Variants in ST6GALNAC3 observed in about 807,000 individuals in gnomAD.
The protein encoded by ST6GALNAC3 is ST6 N-acetylgalactosaminide alpha-2,6-sialyltransferase 3.
ST6GALNAC3 carries 25 observed loss-of-function variants against 32.7 expected under a neutral mutation model. The ratio of observed to expected loss-of-function variants is 0.76; its 90% CI spans 0.56 to 1.07. ST6GALNAC3 has a LOEUF of 1.07. Among genes scored for constraint, ST6GALNAC3 ranks in the 50% least tolerant of loss-of-function variants. ST6GALNAC3 has a pLI of 0.00. For missense variants in ST6GALNAC3, 355 were observed against 382.4 expected, an observed-to-expected ratio of 0.93 and a Z score of 0.60; for synonymous variants, 129 against 133.1, an observed-to-expected ratio of 0.97 and a Z score of 0.21.
intron 1 of ST6GALNAC3, among the ~76,000 whole-genome samples, chr1:76,209,261 T>C (rs1208588363): frequency 1.3e-5 from 2 of 152,216 alleles, no homozygotes; most frequent in African/African-American, 4.8e-5. Context: ...TTGAAGCCCC[T>C]GAGCTTATGC....
intron 3 of ST6GALNAC3, among the ~76,000 whole-genome samples, chr1:76,557,205 G>A (rs1277689775): frequency 6.6e-6 from 1 of 151,714 alleles, no homozygotes; most frequent in Non-Finnish European, 1.5e-5. Flanking sequence ...TTCTTATTTT[G>A]GGACTCTTAA....
chr1:76,462,389 T>C (rs887468564), intron 3 of ST6GALNAC3, among the ~76,000 whole-genome samples: 12 of 152,172 alleles, frequency 7.9e-5, no homozygotes, highest in African/African-American at 2.4e-4. Context: ...CCATAATTCC[T>C]TTTTTAGACT....
In ST6GALNAC3 at chr1:76,112,962, G is replaced by A. The variant is rs1198408128; in HGVS notation, c.18+38078G>A. Among the ~76,000 whole-genome samples the A allele has an allele frequency of 4.6e-5, 7 of 152,032 alleles. No homozygotes were observed. The East Asian group carries it at 7.8e-4, about 17-fold the overall frequency. On this transcript the variant is annotated intron_variant, in intron 1 of 4. Coordinates refer to ENST00000328299, the MANE Select transcript of ST6GALNAC3 (RefSeq NM_152996.4). ...GCGGCCGGGCAGAGGCTGCAATCTC[G>A]GCACTTTGGGGGGCCAAGGCAGGCA...
In ST6GALNAC3 at chr1:76,103,453, G is replaced by C. The variant is rs1647320286; in HGVS notation, c.18+28569G>C. On this transcript the variant is annotated intron_variant, in intron 1 of 4. Transcript: ENST00000328299. Reference sequence around the variant, plus strand: ...CTGGCTTCTAATTCCTGCTTCTGCTGTGTCTGTTCTTCCTTTATTAAGTTA... The same window carrying C: ...CTGGCTTCTAATTCCTGCTTCTGCTCTGTCTGTTCTTCCTTTATTAAGTTA... Among the ~76,000 whole-genome samples the C allele has an allele frequency of 2.0e-5, 3 of 152,140 alleles. No homozygotes were observed. In the South Asian group the frequency reaches 6.2e-4, roughly 31 times the overall value.
chr1:76,410,964 C>T lies in ST6GALNAC3; in HGVS notation c.214-1044C>T, dbSNP rs564915326. ...ACATAAAACAAGGATAGTACCCAGT[C>T]GAGAGAGGCTACTCACCAACAGGCA... On this transcript the variant is annotated intron_variant, in intron 2 of 4. Transcript: ENST00000328299. 2.0e-5 allele frequency among the ~76,000 whole-genome samples: 3 copies of T among 152,060 alleles called. No individual in the cohort carries two copies. In the South Asian group the frequency reaches 6.2e-4, roughly 32 times the overall value.
chr1:76,135,815 G>A (rs1349277557), intron 1 of ST6GALNAC3, among the ~76,000 whole-genome samples: 1 of 152,186 alleles, frequency 6.6e-6, no homozygotes, highest in East Asian at 1.9e-4. Context: ...TTCCACCCAT[G>A]CGGCTCTCCT....
intron 3 of ST6GALNAC3, among the ~76,000 whole-genome samples, chr1:76,526,024 A>T (rs1662890846): frequency 6.6e-6 from 1 of 151,512 alleles, no homozygotes; most frequent in African/African-American, 2.4e-5. Context: ...TACACTGACC[A>T]TTCAGAAAGA....
intron 2 of ST6GALNAC3, among the ~76,000 whole-genome samples, chr1:76,402,709 G>A (rs1253949354): frequency 1.3e-5 from 2 of 152,044 alleles, no homozygotes; most frequent in African/African-American, 2.4e-5. Context: ...TCTGTTAACT[G>A]TAACTCGAAG....
At position 76,508,224 on chromosome 1, in the gene ST6GALNAC3, G is replaced by A. The variant is rs529302313; in HGVS notation, c.623+95807G>A. 6.2e-4 allele frequency among the ~76,000 whole-genome samples: 94 copies of A among 152,200 alleles called. 1 individual carries two copies. Among genetic ancestry groups the A allele is most frequent in the African/African-American group, 2.2e-3 (92 of 41,514 alleles). On this transcript the variant is annotated intron_variant, in intron 3 of 4. Coordinates refer to ENST00000328299, the MANE Select transcript of ST6GALNAC3 (RefSeq NM_152996.4). The stretch of plus-strand genomic sequence containing the variant: ...AAGGAGTGCACAACCTAGATCCGTC[G>A]CACGCAGAGTACACAACAGGATTCG...
chr1:76,425,824 G>A (rs1327319476), intron 3 of ST6GALNAC3, among the ~76,000 whole-genome samples: 1 of 151,824 alleles, frequency 6.6e-6, no homozygotes. Flanking sequence ...CAAAATCCAG[G>A]CTTTACCTCA....
intron 1 of ST6GALNAC3, among the ~76,000 whole-genome samples, chr1:76,132,942 C>G (rs1649709495): frequency 6.6e-6 from 1 of 152,096 alleles, no homozygotes; most frequent in Non-Finnish European, 1.5e-5. Flanking sequence ...GGGAGCCTTG[C>G]TTCCAAGAAA....
At chr1:76,563,021 A>T (rs1190838223) in intron 3 of ST6GALNAC3, among the ~76,000 whole-genome samples, 1 of 152,186 alleles carries the variant, frequency 6.6e-6, no homozygotes, top group Non-Finnish European at 1.5e-5. Flanking sequence ...AGAAGGTACT[A>T]TCCACACTCC....
rs1654326133 is a variant in ST6GALNAC3 at position 76,198,331 on chromosome 1, T to C, written c.19-115474T>C. Among the ~76,000 whole-genome samples, 8 of 152,328 alleles carry C rather than the reference T, an allele frequency of 5.3e-5. 1 individual carries two copies. The South Asian group carries it at 1.7e-3, about 32-fold the overall frequency. On this transcript the variant is annotated intron_variant, in intron 1 of 4. Coordinates refer to ENST00000328299, the MANE Select transcript of ST6GALNAC3 (RefSeq NM_152996.4). ...GATTACAGGTGTGAGCCACCATACC[T>C]GGCTTTGTCTTTATGTTGAGAACAG...
At chr1:76,495,840 A>G (rs1216690417) in intron 3 of ST6GALNAC3, among the ~76,000 whole-genome samples, 4 of 152,174 alleles carry the variant, frequency 2.6e-5, no homozygotes, top group African/African-American at 9.6e-5. Flanking sequence ...TAAATCAAAT[A>G]TCGAAGATGT....
intron 2 of ST6GALNAC3, among the ~76,000 whole-genome samples, chr1:76,392,997 A>G (rs1422946238): frequency 2.0e-5 from 3 of 152,146 alleles, no homozygotes; most frequent in African/African-American, 4.8e-5. Context: ...TCCCCTTTGC[A>G]TGCATTATAC....
chr1:76,172,686 C>G (rs562084066), intron 1 of ST6GALNAC3, among the ~76,000 whole-genome samples: 1 of 152,234 alleles, frequency 6.6e-6, no homozygotes, highest in East Asian at 1.9e-4. Flanking sequence ...TTCCTTTACA[C>G]CAACAATAGG....
At chr1:76,169,560 G>A (rs1652342525) in intron 1 of ST6GALNAC3, among the ~76,000 whole-genome samples, 1 of 152,060 alleles carries the variant, frequency 6.6e-6, no homozygotes, top group Non-Finnish European at 1.5e-5. Flanking sequence ...TTCCAGATTG[G>A]TTGCATTTTC....
intron 1 of ST6GALNAC3, among the ~76,000 whole-genome samples, chr1:76,239,184 C>A (rs1656830724): frequency 6.6e-6 from 1 of 152,026 alleles, no homozygotes; most frequent in Non-Finnish European, 1.5e-5. Context: ...GCCTTATTAT[C>A]ATCCTGGTCA....
At chr1:76,550,171 T>G (rs1664538365) in intron 3 of ST6GALNAC3, among the ~76,000 whole-genome samples, 1 of 152,222 alleles carries the variant, frequency 6.6e-6, no homozygotes, top group Non-Finnish European at 1.5e-5. Context: ...TATTCAATTT[T>G]AATATCATAC....
Sources: allele counts gnomAD v4.1 joint callset (sites outside exome capture counted in the v4.1 genomes callset), GRCh38; gene constraint gnomAD v4.1.1; transcripts MANE v1.5; gene names NCBI Gene and HGNC (gene_info 2026-07-23, HGNC 2026-07-21).